CADM1: variants seen among roughly 807,000 people sequenced by gnomAD.
The protein encoded by CADM1 is TSLC-1.
Under a neutral mutation model 53.1 loss-of-function variants are expected in CADM1, and 15 were observed. The observed-to-expected ratio is 0.28, with a 90% confidence interval of 0.19 to 0.44. The LOEUF is 0.44. CADM1 is among the 20% of genes least tolerant of loss of function. The pLI is 1.00. For missense variants in CADM1, 434 were observed against 611.3 expected (o/e 0.71, Z 3.06); for synonymous variants, 281 against 243.0 (o/e 1.16, Z -1.45).
chr11:115,230,017 C>T (rs1429600402), intron 4 of CADM1, among the ~76,000 whole-genome samples: 1 of 152,176 alleles, frequency 6.6e-6, no homozygotes, highest in East Asian at 1.9e-4. Flanking sequence ...GAACTCAGCA[C>T]TCCCAGGAAC....
At chr11:115,270,707 C>T (rs566487255) in intron 1 of CADM1, among the ~76,000 whole-genome samples, 17 of 152,266 alleles carry the variant, frequency 1.1e-4, no homozygotes, top group African/African-American at 3.8e-4. Flanking sequence ...TACATATTCC[C>T]AACTCTCACC....
chr11:115,469,552 C>A, intron 1 of CADM1, among the ~76,000 whole-genome samples: 1 of 151,982 alleles, frequency 6.6e-6, no homozygotes, highest in Admixed American at 6.5e-5. Context: ...AAATTGTCTA[C>A]ATGCATTAAA....
intron 1 of CADM1, among the ~76,000 whole-genome samples, chr11:115,477,853 T>C (rs938641825): frequency 6.6e-6 from 1 of 152,198 alleles, no homozygotes; most frequent in Non-Finnish European, 1.5e-5. Flanking sequence ...TTCAGTGCAA[T>C]GGAGGCAGAA....
Position 115,173,689 on chromosome 11 carries a change from C to CTTTT in CADM1, c.*2781_*2784dup, listed in dbSNP as rs11417765. ...ATATTTTATAGTACTTCTTTTTTTT[C>CTTTT]TTTTTTTTTTTGTAAAAATGGTATA... On this transcript the variant is annotated 3_prime_UTR_variant, in exon 12 of 12. Coordinates refer to ENST00000331581, the MANE Select transcript of CADM1 (RefSeq NM_001301043.2). The CTTTT allele has an allele frequency of 1.3e-5, 6 of 469,480 alleles. No individual in the cohort carries two copies. Among genetic ancestry groups the CTTTT allele is most frequent in the African/African-American group, 2.2e-5 (1 of 46,130 alleles). The allele number at this position is 469,480 out of a possible 1,614,324, so 29.1% of individuals were successfully genotyped here. A position where few individuals can be genotyped will look rare whatever the true frequency, so the allele number is the denominator to read the frequency against.
chr11:115,468,726 G>A (rs1236023166), intron 1 of CADM1, among the ~76,000 whole-genome samples: 1 of 152,070 alleles, frequency 6.6e-6, no homozygotes, highest in East Asian at 1.9e-4. Flanking sequence ...AAGTCTACAG[G>A]AAAACCCAGA....
intron 1 of CADM1, among the ~76,000 whole-genome samples, chr11:115,407,005 G>A (rs982022429): frequency 6.6e-6 from 1 of 151,714 alleles, no homozygotes; most frequent in Non-Finnish European, 1.5e-5. Context: ...CCCCACAGTT[G>A]AAGCATGGTA....
chr11:115,181,625 C>A (rs989165677), intron 10 of CADM1, among the ~76,000 whole-genome samples: 2 of 152,370 alleles, frequency 1.3e-5, no homozygotes, highest in Middle Eastern at 3.4e-3. Context: ...TTCCCACCCC[C>A]ACTCCCACCT....
intron 1 of CADM1, among the ~76,000 whole-genome samples, chr11:115,248,926 C>T (rs1432819633): frequency 6.6e-6 from 1 of 152,066 alleles, no homozygotes. Context: ...AAGGGGGGCT[C>T]TTAAAAAATA....
At chr11:115,239,664 A>T (rs1942146253) in intron 2 of CADM1, among the ~76,000 whole-genome samples, 1 of 151,300 alleles carries the variant, frequency 6.6e-6, no homozygotes, top group Non-Finnish European at 1.5e-5. Context: ...CTGGGAAGAG[A>T]CATGCTTCGC....
At chr11:115,340,658 A>ATATATATTTTTTTTTTT (rs60532835) in intron 1 of CADM1, among the ~76,000 whole-genome samples, 2 of 34,936 alleles carry the variant, frequency 5.7e-5, no homozygotes, top group African/African-American at 2.8e-4. Flanking sequence ...ATATATATAT[A>ATATATATTTTTTTTTTT]TTTTTTTTTT....
intron 1 of CADM1, among the ~76,000 whole-genome samples, chr11:115,274,988 C>T (rs1281526866): frequency 6.6e-6 from 1 of 152,176 alleles, no homozygotes; most frequent in Non-Finnish European, 1.5e-5. Context: ...CTGAGGTCTG[C>T]AATCAGGATT....
intron 4 of CADM1, among the ~76,000 whole-genome samples, chr11:115,230,394 G>A (rs766920800): frequency 1.3e-5 from 2 of 152,026 alleles, no homozygotes; most frequent in African/African-American, 2.4e-5. Context: ...TATGTAATAC[G>A]ATTAACCCTA....
At chr11:115,355,977 C>A (rs915402316) in intron 1 of CADM1, among the ~76,000 whole-genome samples, 3 of 152,098 alleles carry the variant, frequency 2.0e-5, no homozygotes, top group Non-Finnish European at 2.9e-5. Context: ...GGATTATAGG[C>A]ATGTGCCACC....
At chr11:115,424,818 G>C (rs970954651) in intron 1 of CADM1, among the ~76,000 whole-genome samples, 1 of 151,836 alleles carries the variant, frequency 6.6e-6, no homozygotes, top group Non-Finnish European at 1.5e-5. Context: ...GAGCTACCAC[G>C]CCCAGCCAGA....
chr11:115,440,130 C>A (rs948186673), intron 1 of CADM1, among the ~76,000 whole-genome samples: 3 of 152,186 alleles, frequency 2.0e-5, no homozygotes, highest in Non-Finnish European at 4.4e-5. Flanking sequence ...AATTTCCATC[C>A]ACACATGGTC....
chr11:115,234,896 A>T lies in CADM1; in HGVS notation c.425-3406T>A, dbSNP rs1409598346. On this transcript the variant is annotated intron_variant, in intron 3 of 11. Transcript: ENST00000331581. ...CGACACAGGGAGACTCCGTCTCCAA[A>T]AAAAAAAAAAAAAAAAAAAAAAAAA... 9.9e-4 allele frequency among the ~76,000 whole-genome samples: 86 copies of T among 87,124 alleles called. 1 individual carries two copies. In the East Asian group the frequency reaches 0.082, roughly 83 times the overall value. The allele number at this position is 87,124 out of a possible 152,430, so 57.2% of individuals were successfully genotyped here. A position where few individuals can be genotyped will look rare whatever the true frequency, so the allele number is the denominator to read the frequency against.
intron 1 of CADM1, among the ~76,000 whole-genome samples, chr11:115,455,769 T>C (rs578092312): frequency 6.6e-6 from 1 of 152,356 alleles, no homozygotes; most frequent in East Asian, 1.9e-4. Context: ...GTGGCCAACA[T>C]GGTGAAGTAC....
At chr11:115,207,858 A>C (rs1280087618) in intron 8 of CADM1, among the ~76,000 whole-genome samples, 3 of 152,226 alleles carry the variant, frequency 2.0e-5, no homozygotes, top group African/African-American at 4.8e-5. Flanking sequence ...ATTACGCAGT[A>C]TATTTTACAC....
chr11:115,258,511 C>G (rs973045438), intron 1 of CADM1, among the ~76,000 whole-genome samples: 1 of 152,218 alleles, frequency 6.6e-6, no homozygotes. Context: ...GCCACCAGCT[C>G]TGTTTCCCGA....
Sources: allele counts gnomAD v4.1 joint callset (sites outside exome capture counted in the v4.1 genomes callset), GRCh38; gene constraint gnomAD v4.1.1; transcripts MANE v1.5; gene names NCBI Gene and HGNC (gene_info 2026-07-23, HGNC 2026-07-21).